The following BMP2 variants were observed in gnomAD, a reference collection of about 807,000 sequenced individuals.
BMP2 encodes bone morphogenetic protein 2A.
A neutral mutation model predicts 28.8 loss-of-function variants in BMP2; 2 were observed. The ratio of observed to expected loss-of-function variants is 0.07; its 90% confidence interval spans 0.03 to 0.22. BMP2 has a LOEUF of 0.22. Ranked by LOEUF, BMP2 falls within the 10% of genes least tolerant of loss-of-function variation. BMP2 has a pLI of 1.00. For synonymous variants in BMP2, 218 were observed against 204.3 expected (o/e 1.07, Z -0.57); for missense variants, 437 against 517.7 (o/e 0.84, Z 1.51).
rs781520906 is a variant in BMP2 at position 6,770,261 on chromosome 20, C to T, written c.135C>T (p.Pro45=). 3.1e-6 allele frequency: 5 copies of T among 1,611,964 alleles called. No individual in the cohort carries two copies. The Admixed American group carries it at 5.0e-5, about 16-fold the overall frequency. ...AASSGRPSSQ[P]SDEVLSEFEL... ...CGTCGGGCCGCCCCTCATCCCAGCC[C>T]TCTGACGAGGTCCTGAGCGAGTTCG... The change falls in exon 2 of 3, where the codon CCC becomes CCT. Residue 45 remains proline (P), a synonymous_variant. Coordinates refer to ENST00000378827, the MANE Select transcript of BMP2 (RefSeq NM_001200.4).
intron 2 of BMP2, among the ~76,000 whole-genome samples, chr20:6,772,550 T>G (rs1222291187): frequency 1.3e-5 from 2 of 152,166 alleles, no homozygotes; most frequent in Non-Finnish European, 2.9e-5. Context: ...ACGAAAAAAG[T>G]TTTTGGTAAA....
rs752398839 is a variant in BMP2 at position 6,778,218 on chromosome 20, C to T, written c.347-27C>T. On this transcript the variant is annotated intron_variant, in intron 2 of 2. Coordinates refer to ENST00000378827, the MANE Select transcript of BMP2 (RefSeq NM_001200.4). The surrounding 1 kb of genome is among the most constrained non-coding windows in gnomAD (Gnocchi z 5.0). ...ACTGAAATTCAGACTTTTCTTTTTTCTTCCCTGTTTTTCTCTATCAAATTA... is the reference window on the plus strand; with the variant it reads ...ACTGAAATTCAGACTTTTCTTTTTTTTTCCCTGTTTTTCTCTATCAAATTA... The T allele has an allele frequency of 6.3e-5, 98 of 1,546,446 alleles. No individual in the cohort carries two copies. Among genetic ancestry groups the T allele is most frequent in the Middle Eastern group, 3.5e-4 (2 of 5,726 alleles).
At chr20:6,774,523 G>C (rs235766) in intron 2 of BMP2, among the ~76,000 whole-genome samples, 109,867 of 152,112 alleles carry the variant, frequency 0.72, 41,257 homozygotes, top group African/African-American at 0.93. Context: ...GAGACCCTGT[G>C]TCACAAAAAC....
chr20:6,777,228 T>C (rs149372381), intron 2 of BMP2, among the ~76,000 whole-genome samples: 1 of 152,294 alleles, frequency 6.6e-6, no homozygotes, highest in East Asian at 1.9e-4. Flanking sequence ...AAAGCTTTTG[T>C]GCATGGCCCA....
intron 2 of BMP2, among the ~76,000 whole-genome samples, chr20:6,777,918 C>T (rs1986532434): frequency 6.6e-6 from 1 of 151,064 alleles, no homozygotes; most frequent in Admixed American, 6.6e-5. Context: ...GTCTGGAATT[C>T]CAAAGAAATG....
rs1325105379 is a variant in BMP2 at position 6,778,402 on chromosome 20, T to C, written c.504T>C (p.His168=). The change falls in exon 3 of 3, where the codon CAT becomes CAC. Residue 168 remains histidine (H), a synonymous_variant. Coordinates refer to ENST00000378827, the MANE Select transcript of BMP2 (RefSeq NM_001200.4). This position sits in a 1 kb window ranked among gnomAD's most constrained non-coding sequence, Gnocchi z 5.0. Reference sequence around the variant, plus strand: ...CTTTAGGAAACAATAGCAGTTTCCATCACCGAATTAATATTTATGAAATCA... The same window carrying C: ...CTTTAGGAAACAATAGCAGTTTCCACCACCGAATTAATATTTATGAAATCA... The part of the protein sequence containing the change: ...QDALGNNSSF[H]HRINIYEIIK... 2 of 1,614,192 alleles carry C rather than the reference T, an allele frequency of 1.2e-6. No individual in the cohort carries two copies. The highest frequency in any genetic ancestry group is 1.1e-5 in the South Asian group (1 of 91,082).
rs953712707 is a variant in BMP2, at chr20:6,778,388, A to G, written c.490A>G (p.Asn164Asp). The change falls in exon 3 of 3, where the codon AAT becomes GAT. Residue 164 changes from asparagine to aspartate, a missense_variant. Asn to Asp is a conservative substitution (Grantham distance 23, BLOSUM62 1). Coordinates refer to ENST00000378827, the MANE Select transcript of BMP2 (RefSeq NM_001200.4). The surrounding 1 kb of genome is among the most constrained non-coding windows in gnomAD (Gnocchi z 5.0). ...REQMQDALGNNSSFHHRINIY... is the reference protein window; with the variant it reads ...REQMQDALGNDSSFHHRINIY... Reference sequence around the variant, plus strand: ...ACAGATGCAAGATGCTTTAGGAAACAATAGCAGTTTCCATCACCGAATTAA... The same window carrying G: ...ACAGATGCAAGATGCTTTAGGAAACGATAGCAGTTTCCATCACCGAATTAA... 1 of 1,614,056 alleles carries G rather than the reference A, an allele frequency of 6.2e-7. No individual in the cohort carries two copies. The highest frequency in any genetic ancestry group is 1.3e-5 in the African/African-American group (1 of 74,932).
In BMP2 at chr20:6,778,557, G is replaced by C; in HGVS notation, c.659G>C (p.Gly220Ala). 1 of 1,614,168 alleles carries C rather than the reference G, an allele frequency of 6.2e-7. No homozygotes were observed. The highest frequency in any genetic ancestry group is 8.5e-7 in the Non-Finnish European group (1 of 1,180,024). The change falls in exon 3 of 3, where the codon GGA (glycine) becomes GCA (alanine). Residue 220 changes from glycine (G) to alanine (A), a missense_variant. Physicochemically the swap from Gly to Ala is moderately conservative, Grantham distance 60. Transcript: ENST00000378827. This position sits in a 1 kb window ranked among gnomAD's most constrained non-coding sequence, Gnocchi z 5.0. ...TPAVMRWTAQ[G>A]HANHGFVVEV... ...GCTGTGATGCGGTGGACTGCACAGGGACACGCCAACCATGGATTCGTGGTG... is the reference window on the plus strand; with the variant it reads ...GCTGTGATGCGGTGGACTGCACAGGCACACGCCAACCATGGATTCGTGGTG...
chr20:6,770,589 ACTCTTG>A, intron 2 of BMP2, 117 bp downstream of exon 2: 1 of 994,984 alleles, frequency 1.0e-6, no homozygotes, highest in Non-Finnish European at 1.4e-6. Context: ...GGACGTTTCC[ACTCTTG>A]CTTCTGTACT....
At chr20:6,773,679 A>G (rs1400754352) in intron 2 of BMP2, among the ~76,000 whole-genome samples, 1 of 152,132 alleles carries the variant, frequency 6.6e-6, no homozygotes, top group South Asian at 2.1e-4. Context: ...TTTATTTGCC[A>G]TTCCCTTGTT....
chr20:6,774,082 C>A (rs1241965957), intron 2 of BMP2, among the ~76,000 whole-genome samples: 1 of 152,190 alleles, frequency 6.6e-6, no homozygotes, highest in Non-Finnish European at 1.5e-5. Flanking sequence ...GTCCATCATA[C>A]CTAAGTCATA....
rs761634402 is a variant in BMP2 at position 6,770,213 on chromosome 20, C to T, written c.87C>T (p.Gly29=). ...CGGCTGGCCTCGTTCCGGAGCTGGG[C>T]CGCAGGAAGTTCGCGGCGGCGTCGT... ...GGAAGLVPEL[G]RRKFAAASSG... Residue 29 remains glycine (G), a synonymous_variant, in exon 2 of 3, where the codon GGC becomes GGT. Coordinates refer to ENST00000378827, the MANE Select transcript of BMP2 (RefSeq NM_001200.4). 21 of 1,595,536 alleles carry T rather than the reference C, an allele frequency of 1.3e-5. No homozygotes were observed. In the South Asian group the frequency reaches 2.4e-4, roughly 18 times the overall value.
At position 6,779,140 on chromosome 20, in the gene BMP2, A is replaced by T. The variant is rs1170622740; in HGVS notation, c.*51A>T. The stretch of plus-strand genomic sequence containing the variant: ...TATATATATATATATATTTTAGAAA[A>T]AAGAAAAAAACAAACAAACAAAAAA... On this transcript the variant is annotated 3_prime_UTR_variant, in exon 3 of 3. Coordinates refer to ENST00000378827, the MANE Select transcript of BMP2 (RefSeq NM_001200.4). 19 of 957,454 alleles carry T rather than the reference A, an allele frequency of 2.0e-5. No homozygotes were observed. Among genetic ancestry groups the T allele is most frequent in the Non-Finnish European group, 2.5e-5 (19 of 754,212 alleles). 59.3% of individuals were successfully genotyped at this position (957,454 alleles called of 1,614,324 possible).
At chr20:6,769,924 T>A (rs1053347365) in intron 1 of BMP2, among the ~76,000 whole-genome samples, 196 bp from the exon 2 acceptor site, 1 of 152,154 alleles carries the variant, frequency 6.6e-6, no homozygotes, top group African/African-American at 2.4e-5. Context: ...ATAAATCATC[T>A]GGTTCAGGAA....
In BMP2 at chr20:6,770,067, G is replaced by C. The variant is rs974200174; in HGVS notation, c.-7-53G>C. ...GGGAGACCGGGCCGCGGGGGCGCGA[G>C]GGGGGAGGACTGGGCGGGGAACTCG... On this transcript the variant is annotated intron_variant, in intron 1 of 2. Transcript: ENST00000378827. 13 of 1,466,454 alleles carry C rather than the reference G, an allele frequency of 8.9e-6. No individual in the cohort carries two copies. The African/African-American group carries it at 1.3e-4, about 14-fold the overall frequency. 90.8% of individuals were successfully genotyped at this position (1,466,454 alleles called of 1,614,324 possible).
intron 1 of BMP2, among the ~76,000 whole-genome samples, chr20:6,769,633 G>GTGTT (rs375223271): frequency 8.6e-5 from 13 of 151,256 alleles, no homozygotes; most frequent in South Asian, 2.1e-4. Flanking sequence ...GTGTGTGTGT[G>GTGTT]TGTGTGTGTG....
Position 6,770,419 on chromosome 20 carries a change from G to A in BMP2, c.293G>A (p.Arg98Gln). The change falls in exon 2 of 3, where the codon CGG (arginine) becomes CAG (glutamine). Residue 98 changes from arginine (R) to glutamine (Q), a missense_variant. Transcript: ENST00000378827. ...CCGGGCTCACCCGCCCCAGACCACC[G>A]GTTGGAGAGGGCAGCCAGCCGAGCC... The part of the protein sequence containing the change: ...GQPGSPAPDH[R>Q]LERAASRANT... 6.2e-7 allele frequency: 1 copy of A among 1,610,594 alleles called. No homozygotes were observed.
chr20:6,773,424 G>A (rs1986438167), intron 2 of BMP2, among the ~76,000 whole-genome samples: 1 of 152,216 alleles, frequency 6.6e-6, no homozygotes, highest in South Asian at 2.1e-4. Flanking sequence ...TGGTTGTTGA[G>A]ATTGAGGCTT....
At position 6,778,728 on chromosome 20, in the gene BMP2, A is replaced by T; in HGVS notation, c.830A>T (p.His277Leu). The change falls in exon 3 of 3, where the codon CAC becomes CTC. Residue 277 changes from histidine (H) to leucine (L), a missense_variant. His to Leu is a moderately conservative substitution (Grantham distance 99). This residue lies in a region of BMP2 where 363 missense variants were observed against 392.8 expected (regional missense o/e 0.92). Coordinates refer to ENST00000378827, the MANE Select transcript of BMP2 (RefSeq NM_001200.4). The surrounding 1 kb of genome is among the most constrained non-coding windows in gnomAD (Gnocchi z 5.0). ...FGHDGKGHPL[H>L]KREKRQAKHK... Reference sequence around the variant, plus strand: ...CATGATGGAAAAGGGCATCCTCTCCACAAAAGAGAAAAACGTCAAGCCAAA... The same window carrying T: ...CATGATGGAAAAGGGCATCCTCTCCTCAAAAGAGAAAAACGTCAAGCCAAA... 5 of 1,614,236 alleles carry T rather than the reference A, an allele frequency of 3.1e-6. No homozygotes were observed. Among genetic ancestry groups the T allele is most frequent in the Non-Finnish European group, 4.2e-6 (5 of 1,180,028 alleles).
Sources: gnomAD v4.1 joint callset for allele counts (sites outside exome capture counted in the v4.1 genomes callset) on GRCh38, gnomAD v4.1.1 for gene constraint, gnomAD v4.1.1 regional missense constraint, Gnocchi (gnomAD v3.1) non-coding constraint, MANE v1.5 for transcripts, NCBI Gene and HGNC (gene_info 2026-07-23, HGNC 2026-07-21) for gene names.